Variants in TBC1D12 observed in about 807,000 individuals in gnomAD.
TBC1D12 encodes the protein TBC1 domain family, member 12.
A neutral mutation model predicts 86.7 loss-of-function variants in TBC1D12; 56 were observed. The ratio of observed to expected loss-of-function variants is 0.65; its 90% CI spans 0.52 to 0.81. TBC1D12 has a LOEUF of 0.81. TBC1D12 is among the 30% of genes least tolerant of loss of function. The pLI is 0.00. For missense variants in TBC1D12, 1,023 were observed against 1,038.8 expected, an observed-to-expected ratio of 0.98 and a Z score of 0.21; for synonymous variants, 421 against 411.7, an observed-to-expected ratio of 1.02 and a Z score of -0.27.
At chr10:94,404,971 C>A (rs1278751031) in intron 1 of TBC1D12, among the ~76,000 whole-genome samples, 2 of 150,552 alleles carry the variant, frequency 1.3e-5, no homozygotes, top group Non-Finnish European at 2.9e-5. Context: ...CGTTTGAACC[C>A]AGAAGGCGGA....
At chr10:94,483,039 C>CTTTTTTTTTTTTTT in intron 3 of TBC1D12, among the ~76,000 whole-genome samples, 1 of 124,618 alleles carries the variant, frequency 8.0e-6, no homozygotes, top group Admixed American at 8.6e-5. Flanking sequence ...TATTCTTCTT[C>CTTTTTTTTTTTTTT]TTTTTTTTTT....
At chr10:94,488,847 CT>C (rs2056207058) in intron 3 of TBC1D12, among the ~76,000 whole-genome samples, 1 of 152,070 alleles carries the variant, frequency 6.6e-6, no homozygotes, top group South Asian at 2.1e-4. Flanking sequence ...GTGCCCTATC[CT>C]ACTGTGGCTG....
chr10:94,404,449 C>T (rs2054822673), intron 1 of TBC1D12, among the ~76,000 whole-genome samples: 3 of 151,828 alleles, frequency 2.0e-5, no homozygotes, highest in African/African-American at 7.3e-5. Context: ...GGTTCGAGAC[C>T]AGCCTGGCCA....
intron 6 of TBC1D12, chr10:94,501,532 C>T (rs1472925455): frequency 6.5e-6 from 1 of 153,968 alleles, no homozygotes; most frequent in African/African-American, 2.4e-5. Context: ...TGGATAGGAG[C>T]AAAATGTAGA....
intron 11 of TBC1D12, among the ~76,000 whole-genome samples, chr10:94,526,501 A>G (rs901747832): frequency 6.6e-6 from 1 of 152,088 alleles, no homozygotes; most frequent in Non-Finnish European, 1.5e-5. Context: ...GAATGAGAAC[A>G]TGCAGTATTT....
At chr10:94,473,554 A>C (rs1235447375) in intron 2 of TBC1D12, among the ~76,000 whole-genome samples, 3 of 152,154 alleles carry the variant, frequency 2.0e-5, no homozygotes, top group African/African-American at 7.2e-5. Flanking sequence ...ATATCTGACC[A>C]CTTTAAGTGC....
chr10:94,429,881 G>A lies in TBC1D12; in HGVS notation c.972-12015G>A, dbSNP rs559029408. 9.1e-4 allele frequency among the ~76,000 whole-genome samples: 138 copies of A among 152,090 alleles called. 1 individual carries two copies. The highest frequency in any genetic ancestry group is 3.0e-3 in the African/African-American group (124 of 41,468). ...GCCAAGTAGCTGGGGCTTCAGGTGCGTGCCACCACGCCTGCCTAATTTTTG... is the reference window on the plus strand; with the variant it reads ...GCCAAGTAGCTGGGGCTTCAGGTGCATGCCACCACGCCTGCCTAATTTTTG... On this transcript the variant is annotated intron_variant, in intron 1 of 12. Coordinates refer to ENST00000225235, the MANE Select transcript of TBC1D12 (RefSeq NM_015188.2).
intron 9 of TBC1D12, among the ~76,000 whole-genome samples, chr10:94,515,343 G>T (rs10882466): frequency 0.46 from 69,799 of 150,712 alleles, 16,464 homozygotes; most frequent in East Asian, 0.73. Context: ...TGGTTTTTTT[G>T]TTTTGTTTTG....
intron 2 of TBC1D12, among the ~76,000 whole-genome samples, chr10:94,445,885 T>A (rs1204405616): frequency 6.6e-6 from 1 of 151,586 alleles, no homozygotes; most frequent in Non-Finnish European, 1.5e-5. Context: ...GAGGCAGAGG[T>A]CGTAGTGAGC....
chr10:94,423,897 T>TAAA (rs2055113110), intron 1 of TBC1D12, among the ~76,000 whole-genome samples: 1 of 152,240 alleles, frequency 6.6e-6, no homozygotes, highest in African/African-American at 2.4e-5. Flanking sequence ...TGACCCTTTC[T>TAAA]GTCTGTGGGT....
intron 4 of TBC1D12, among the ~76,000 whole-genome samples, chr10:94,496,425 A>G (rs866994991): frequency 2.0e-5 from 3 of 152,124 alleles, no homozygotes; most frequent in Non-Finnish European, 4.4e-5. Context: ...GTAAAGTGAA[A>G]CACCATATTA....
intron 2 of TBC1D12, among the ~76,000 whole-genome samples, 161 bp from the exon 3 acceptor site, chr10:94,474,507 A>T (rs564626212): frequency 1.3e-5 from 2 of 152,128 alleles, no homozygotes; most frequent in African/African-American, 4.8e-5. Context: ...CCACCTCCAA[A>T]AAAAAAACTT....
chr10:94,503,189 C>T (rs913899818), intron 6 of TBC1D12, among the ~76,000 whole-genome samples: 1 of 152,046 alleles, frequency 6.6e-6, no homozygotes, highest in Admixed American at 6.6e-5. Context: ...AACTGTTTTC[C>T]TTGAGATAGC....
intron 9 of TBC1D12, among the ~76,000 whole-genome samples, chr10:94,519,481 C>T (rs1049108751): frequency 6.6e-6 from 1 of 152,084 alleles, no homozygotes; most frequent in African/African-American, 2.4e-5. Context: ...TACTTGAGGT[C>T]AGGAGTTTGA....
intron 1 of TBC1D12, among the ~76,000 whole-genome samples, chr10:94,414,035 A>AC (rs1271533097): frequency 5.9e-5 from 9 of 152,184 alleles, no homozygotes; most frequent in Admixed American, 4.6e-4. Flanking sequence ...TCTCAGGAAA[A>AC]ATTCATTCAA....
intron 1 of TBC1D12, among the ~76,000 whole-genome samples, chr10:94,424,624 G>T (rs1411638552): frequency 1.3e-5 from 2 of 152,146 alleles, no homozygotes; most frequent in Non-Finnish European, 2.9e-5. Flanking sequence ...TAAATTCTTT[G>T]AAAATAAAGA....
chr10:94,442,955 T>C (rs2055402901), intron 2 of TBC1D12, among the ~76,000 whole-genome samples: 1 of 152,264 alleles, frequency 6.6e-6, no homozygotes, highest in Non-Finnish European at 1.5e-5. Context: ...CTTTTTTTCT[T>C]CTTTTTGCAT....
chr10:94,535,366 A>G lies in TBC1D12; in HGVS notation c.*2270A>G, dbSNP rs1476916388. ...ACAGTGTGTTTTTATGTTGCAGTTT[A>G]GTTTGAAACAACACTTAAGCACACT... is the stretch of plus-strand genomic sequence containing the variant. On this transcript the variant is annotated 3_prime_UTR_variant, in exon 13 of 13. Coordinates refer to ENST00000225235, the MANE Select transcript of TBC1D12 (RefSeq NM_015188.2). 1 of 152,200 alleles carries G rather than the reference A, an allele frequency of 6.6e-6. No individual in the cohort carries two copies. The highest frequency in any genetic ancestry group is 1.5e-5 in the Non-Finnish European group (1 of 68,040). 9.4% of individuals were successfully genotyped at this position (152,200 alleles called of 1,614,324 possible). A position where few individuals can be genotyped will look rare whatever the true frequency, so the allele number is the denominator to read the frequency against.
At chr10:94,407,268 A>G (rs748977757) in intron 1 of TBC1D12, among the ~76,000 whole-genome samples, 21 of 152,216 alleles carry the variant, frequency 1.4e-4, no homozygotes, top group Admixed American at 8.5e-4. Flanking sequence ...GTTCTATTTC[A>G]GTCCCTACTG....
Sources: gnomAD v4.1 joint callset for allele counts (sites outside exome capture counted in the v4.1 genomes callset) on GRCh38, gnomAD v4.1.1 for gene constraint, MANE v1.5 for transcripts, NCBI Gene and HGNC (gene_info 2026-07-23, HGNC 2026-07-21) for gene names.